SH3RF2: variants seen among roughly 807,000 people sequenced by gnomAD.
SH3RF2 encodes E3 ubiquitin-protein ligase SH3RF2.
SH3RF2 carries 43 observed loss-of-function variants against 59.0 expected under a neutral mutation model. That is an observed-to-expected ratio of 0.73 (90% CI 0.57 to 0.94). SH3RF2 has a LOEUF of 0.94. SH3RF2 is among the 40% of genes least tolerant of loss of function. SH3RF2 has a pLI of 0.00. For synonymous variants in SH3RF2, 391 were observed against 391.5 expected, an observed-to-expected ratio of 1.00 and a Z score of 0.01; for missense variants, 930 against 940.1, an observed-to-expected ratio of 0.99 and a Z score of 0.14.
chr5:146,026,976 A>G (rs1031079404), intron 5 of SH3RF2, among the ~76,000 whole-genome samples: 2 of 152,226 alleles, frequency 1.3e-5, no homozygotes, highest in African/African-American at 4.8e-5. Context: ...CATTGGGTCA[A>G]GCCAGGAAGC....
chr5:146,074,398 G>T (rs1763301381), intron 9 of SH3RF2, among the ~76,000 whole-genome samples: 1 of 152,090 alleles, frequency 6.6e-6, no homozygotes. Context: ...GTTATTACAA[G>T]CGGAGAGGCA....
At chr5:145,984,761 C>T (rs1759636130) in intron 2 of SH3RF2, among the ~76,000 whole-genome samples, 1 of 152,156 alleles carries the variant, frequency 6.6e-6, no homozygotes, top group South Asian at 2.1e-4. Flanking sequence ...CACTTCTTCT[C>T]CAAGGTCATG....
At chr5:146,049,360 C>G in intron 7 of SH3RF2, 115 bp downstream of exon 7, 3 of 1,249,768 alleles carry the variant, frequency 2.4e-6, no homozygotes, top group Non-Finnish European at 3.3e-6. Context: ...GCCAAGAAAG[C>G]GCTTTTTGCT....
chr5:146,066,982 G>A (rs543686404), downstream of SH3RF2, among the ~76,000 whole-genome samples: 2 of 152,204 alleles, frequency 1.3e-5, no homozygotes, highest in South Asian at 2.1e-4. Context: ...TGGGGAAGGC[G>A]GGTCATGCCC....
chr5:145,990,723 G>A (rs888358229), intron 2 of SH3RF2, among the ~76,000 whole-genome samples: 4 of 152,206 alleles, frequency 2.6e-5, no homozygotes, highest in Non-Finnish European at 5.9e-5. Flanking sequence ...AGAGTCTTGA[G>A]CTTTTTAAAT....
chr5:145,981,535 C>A (rs1413152750), intron 2 of SH3RF2, among the ~76,000 whole-genome samples: 1 of 152,116 alleles, frequency 6.6e-6, no homozygotes, highest in African/African-American at 2.4e-5. Context: ...TTTTCCCATG[C>A]AGTTTATTTA....
intron 7 of SH3RF2, among the ~76,000 whole-genome samples, chr5:146,051,597 T>C (rs1314434715): frequency 6.6e-6 from 1 of 152,156 alleles, no homozygotes; most frequent in Non-Finnish European, 1.5e-5. Context: ...TTTTTTTTCC[T>C]GAGTGACTGC....
At chr5:145,978,042 T>C (rs1036838404) in intron 2 of SH3RF2, among the ~76,000 whole-genome samples, 3 of 152,246 alleles carry the variant, frequency 2.0e-5, no homozygotes, top group African/African-American at 7.2e-5. Context: ...CTGTCATTCA[T>C]AAGCATTTAT....
At chr5:145,981,776 C>T (rs1759515087) in intron 2 of SH3RF2, among the ~76,000 whole-genome samples, 1 of 152,198 alleles carries the variant, frequency 6.6e-6, no homozygotes. Context: ...CACACTAGCA[C>T]ATGGCACATG....
In SH3RF2 at chr5:145,953,910, A is replaced by G. The variant is rs183211495; in HGVS notation, c.378+15604A>G. Among the ~76,000 whole-genome samples the G allele has an allele frequency of 4.6e-5, 7 of 152,324 alleles. No homozygotes were observed. In the South Asian group the frequency reaches 6.2e-4, roughly 14 times the overall value. On this transcript the variant is annotated intron_variant, in intron 2 of 9. Transcript: ENST00000359120. ...GATCTCATTCTTTTTATGGTTGCAT[A>G]GTATTTCACGGTGTATATATATCAC...
intron 5 of SH3RF2, among the ~76,000 whole-genome samples, chr5:146,035,430 T>TA (rs1222962550): frequency 1.3e-5 from 2 of 150,034 alleles, no homozygotes; most frequent in African/African-American, 4.9e-5. Flanking sequence ...CCTTAGATTT[T>TA]AAAAAATTGA....
intron 2 of SH3RF2, among the ~76,000 whole-genome samples, chr5:145,957,497 T>C (rs769128435): frequency 4.2e-4 from 64 of 152,132 alleles, no homozygotes; most frequent in Admixed American, 5.2e-4. Flanking sequence ...GCTAACCTTA[T>C]TGAAAACCCA....
intron 5 of SH3RF2, among the ~76,000 whole-genome samples, chr5:146,036,021 TAA>T (rs1240209865): frequency 6.6e-6 from 1 of 152,192 alleles, no homozygotes; most frequent in East Asian, 1.9e-4. Flanking sequence ...TTTGCATACT[TAA>T]GTTTTTGTGG....
intron 7 of SH3RF2, among the ~76,000 whole-genome samples, chr5:146,049,563 G>GT: frequency 6.6e-6 from 1 of 152,070 alleles, no homozygotes; most frequent in Non-Finnish European, 1.5e-5. Context: ...TGGATGTCAG[G>GT]TTTTCTTCTG....
At chr5:146,073,389 G>A (rs547557819) in intron 9 of SH3RF2, among the ~76,000 whole-genome samples, 28 of 152,332 alleles carry the variant, frequency 1.8e-4, no homozygotes, top group African/African-American at 6.7e-4. Context: ...TTTATGAAAT[G>A]TCCATTCTGA....
At chr5:145,953,749 C>T (rs1195760603) in intron 2 of SH3RF2, among the ~76,000 whole-genome samples, 1 of 152,116 alleles carries the variant, frequency 6.6e-6, no homozygotes, top group African/African-American at 2.4e-5. Flanking sequence ...CTTTTGTTCC[C>T]TTCTTTGTGT....
At position 146,055,537 on chromosome 5, in the gene SH3RF2, T is replaced by A. The variant is rs551450920; in HGVS notation, c.1323-444T>A. Among the ~76,000 whole-genome samples, 219 of 152,364 alleles carry A rather than the reference T, an allele frequency of 1.4e-3. 2 individuals carry two copies. Among genetic ancestry groups the A allele is most frequent in the Non-Finnish European group, 2.8e-3 (192 of 68,040 alleles). On this transcript the variant is annotated intron_variant, in intron 7 of 9. Transcript: ENST00000359120. The stretch of plus-strand genomic sequence containing the variant: ...ACAGTATATGCAGAACACAGATATA[T>A]AAGTCATATGAAATCTCTGCCTTCA...
chr5:145,989,581 G>GT (rs1759856388), intron 2 of SH3RF2, among the ~76,000 whole-genome samples: 1 of 152,206 alleles, frequency 6.6e-6, no homozygotes, highest in South Asian at 2.1e-4. Flanking sequence ...GGCCAGGATG[G>GT]TTTTGGTTTT....
At chr5:146,055,801 G>A (rs1044312770) in intron 7 of SH3RF2, 180 bp from the exon 8 acceptor site, 3 of 658,838 alleles carry the variant, frequency 4.6e-6, no homozygotes, top group Non-Finnish European at 7.7e-6. Context: ...GGTGTAGGGA[G>A]GTGGGGCCAA....
Sources: allele counts gnomAD v4.1 joint callset (sites outside exome capture counted in the v4.1 genomes callset), GRCh38; gene constraint gnomAD v4.1.1; transcripts MANE v1.5; gene names NCBI Gene and HGNC (gene_info 2026-07-23, HGNC 2026-07-21).